MXRA7: variants seen among roughly 807,000 people sequenced by gnomAD.
MXRA7 encodes matrix remodeling associated 7.
A neutral mutation model predicts 17.4 loss-of-function variants in MXRA7; 18 were observed. The ratio of observed to expected loss-of-function variants is 1.03; its 90% confidence interval spans 0.71 to 1.53. The LOEUF (loss-of-function observed/expected upper bound fraction) is 1.53. MXRA7 is among the 40% of genes most tolerant of loss of function. The probability of loss-of-function intolerance (pLI) is 0.00; values close to 1 mark genes in which losing one functional copy is unlikely to be tolerated. For missense variants in MXRA7, 141 were observed against 209.3 expected (o/e 0.67, Z 2.01); for synonymous variants, 70 against 101.7 (o/e 0.69, Z 1.87).
At chr17:76,703,952 A>T (rs2076624303) in intron 1 of MXRA7, among the ~76,000 whole-genome samples, 1 of 151,284 alleles carries the variant, frequency 6.6e-6, no homozygotes, top group African/African-American at 2.4e-5. Flanking sequence ...ACAGCATCAT[A>T]GCCGGGCGTG....
At chr17:76,684,549 T>C (rs1598339331) in intron 3 of MXRA7, 4 of 314,658 alleles carry the variant, frequency 1.3e-5, no homozygotes, top group South Asian at 9.4e-5. Context: ...GGTGTCCAAA[T>C]GGGAAGGGGG....
intron 1 of MXRA7, among the ~76,000 whole-genome samples, chr17:76,693,400 A>C (rs915972441): frequency 1.3e-5 from 2 of 148,980 alleles, no homozygotes; most frequent in Non-Finnish European, 3.0e-5. Flanking sequence ...GGGAGGCGGA[A>C]GTTGCAATGA....
At chr17:76,700,049 T>G (rs1178661379) in intron 1 of MXRA7, among the ~76,000 whole-genome samples, 1 of 152,190 alleles carries the variant, frequency 6.6e-6, no homozygotes, top group Non-Finnish European at 1.5e-5. Flanking sequence ...AACCTCCACC[T>G]CCTGGGTTCA....
chr17:76,695,985 C>G (rs1243766599), intron 1 of MXRA7, among the ~76,000 whole-genome samples: 1 of 152,004 alleles, frequency 6.6e-6, no homozygotes, highest in Non-Finnish European at 1.5e-5. Flanking sequence ...ATCCCAGCTA[C>G]TTGGGAGGCT....
At chr17:76,706,143 A>ACTGCCGTCACAGAGGCCCATG (rs2076653205) in intron 1 of MXRA7, among the ~76,000 whole-genome samples, 1 of 54,252 alleles carries the variant, frequency 1.8e-5, no homozygotes, top group Admixed American at 1.9e-4. Context: ...AAAGGACCAC[A>ACTGCCGTCACAGAGGCCCATG]CTGCCGTCAC....
intron 1 of MXRA7, among the ~76,000 whole-genome samples, chr17:76,709,028 T>C (rs947938345): frequency 3.3e-5 from 5 of 152,148 alleles, no homozygotes; most frequent in African/African-American, 1.2e-4. Context: ...TAAACACCAC[T>C]GAACCTATTC....
chr17:76,702,058 T>C (rs2076596997), intron 1 of MXRA7, among the ~76,000 whole-genome samples: 1 of 152,362 alleles, frequency 6.6e-6, no homozygotes, highest in African/African-American at 2.4e-5. Flanking sequence ...GGTCGAATTC[T>C]AGGTGCTACA....
downstream of MXRA7, among the ~76,000 whole-genome samples, chr17:76,679,007 A>G (rs1031680178): frequency 1.3e-5 from 2 of 152,124 alleles, no homozygotes; most frequent in Non-Finnish European, 2.9e-5. Context: ...CTGTAAGAAG[A>G]AAGAGGGTCA....
At chr17:76,679,408 T>C (rs187443337), downstream of MXRA7, among the ~76,000 whole-genome samples, 16 of 152,306 alleles carry the variant, frequency 1.1e-4, no homozygotes, top group East Asian at 3.1e-3. Context: ...GTCATGTGGT[T>C]TTGACAGCCA....
intron 1 of MXRA7, among the ~76,000 whole-genome samples, chr17:76,702,886 T>TACGTGTATATATATATAC (rs2076610670): frequency 6.3e-5 from 5 of 79,840 alleles, no homozygotes; most frequent in Non-Finnish European, 7.6e-5. Context: ...TATATATATA[T>TACGTGTATATATATATAC]ATATCTTGAG....
At chr17:76,709,286 T>C (rs1324246500) in intron 1 of MXRA7, among the ~76,000 whole-genome samples, 11 of 151,998 alleles carry the variant, frequency 7.2e-5, no homozygotes, top group African/African-American at 1.7e-4. Flanking sequence ...ATCCCAAATA[T>C]GGGAGCAAAC....
downstream of MXRA7, among the ~76,000 whole-genome samples, chr17:76,678,923 C>A (rs1373947118): frequency 6.6e-6 from 1 of 152,202 alleles, no homozygotes; most frequent in Non-Finnish European, 1.5e-5. Flanking sequence ...CCCTTGTCCC[C>A]TGGGAAAGCT....
At chr17:76,679,244 C>T (rs1038937674), downstream of MXRA7, among the ~76,000 whole-genome samples, 2 of 148,892 alleles carry the variant, frequency 1.3e-5, no homozygotes, top group African/African-American at 4.9e-5. Flanking sequence ...GCTGTGATTG[C>T]ACCACTGCAC....
downstream of MXRA7, chr17:76,677,541 G>A: frequency 7.5e-7 from 1 of 1,335,732 alleles, no homozygotes; most frequent in Non-Finnish European, 1.1e-6. Flanking sequence ...TGGGGCAAGG[G>A]TGGGGACAGC....
intron 1 of MXRA7, chr17:76,688,672 C>G: frequency 8.1e-7 from 1 of 1,238,912 alleles, no homozygotes; most frequent in Non-Finnish European, 1.0e-6. Flanking sequence ...AGCCCCACCT[C>G]TTCAGCCAGT....
rs925614607 is a variant in MXRA7, at chr17:76,681,525, A to AC, written c.501-647dup. Among the ~76,000 whole-genome samples, 1 of 151,934 alleles carries AC rather than the reference A, an allele frequency of 6.6e-6. No homozygotes were observed. The highest frequency in any genetic ancestry group is 2.4e-5 in the African/African-American group (1 of 41,342). Reference sequence around the variant, plus strand: ...TACATCAGATGGAAGAACCAGAACTACCCCACAGCTGGGGTTCCTTGGCCT... The same window carrying AC: ...TACATCAGATGGAAGAACCAGAACTACCCCCACAGCTGGGGTTCCTTGGCCT... On this transcript the variant is annotated intron_variant, in intron 3 of 3. Coordinates refer to ENST00000449428, the MANE Select transcript of MXRA7 (RefSeq NM_198530.4). The surrounding 1 kb of genome is among the most constrained non-coding windows in gnomAD (Gnocchi z 4.7).
At chr17:76,688,290 G>A (rs1039055016) in intron 1 of MXRA7, 114 bp from the exon 2 acceptor site, 17 of 1,521,316 alleles carry the variant, frequency 1.1e-5, no homozygotes, top group East Asian at 2.3e-5. Flanking sequence ...GCCTGCCCAC[G>A]CCCTGTGGCA....
At chr17:76,701,371 C>T (rs1224584576) in intron 1 of MXRA7, among the ~76,000 whole-genome samples, 1 of 151,492 alleles carries the variant, frequency 6.6e-6, no homozygotes, top group South Asian at 2.1e-4. Flanking sequence ...GGGGTGGATC[C>T]GGGATGAGAT....
chr17:76,688,677 G>T, intron 1 of MXRA7: 2 of 1,238,732 alleles, frequency 1.6e-6, no homozygotes, highest in African/African-American at 3.1e-5. Flanking sequence ...CACCTCTTCA[G>T]CCAGTTCTCT....
Sources: allele counts gnomAD v4.1 joint callset (sites outside exome capture counted in the v4.1 genomes callset), GRCh38; gene constraint gnomAD v4.1.1; non-coding constraint Gnocchi (gnomAD v3.1); transcripts MANE v1.5; gene names NCBI Gene and HGNC (gene_info 2026-07-23, HGNC 2026-07-21).